The following ARFGEF1 variants were observed in gnomAD, a reference collection of about 807,000 sequenced individuals.
ARFGEF1 encodes the protein ARF guanine nucleotide exchange factor 1, also known as brefeldin A-inhibited guanine nucleotide-exchange protein 1.
A neutral mutation model predicts 231.0 loss-of-function variants in ARFGEF1; 42 were observed. That is an observed-to-expected ratio of 0.18 (90% CI 0.14 to 0.24). ARFGEF1 has a LOEUF of 0.24. Among genes scored for constraint, ARFGEF1 ranks in the 10% least tolerant of loss-of-function variants. The pLI is 1.00. For missense variants in ARFGEF1, 1,345 were observed against 2,192.0 expected (o/e 0.61, Z 7.72); for synonymous variants, 710 against 732.3 (o/e 0.97, Z 0.49).
chr8:67,253,003 C>T (rs16933211), intron 18 of ARFGEF1, among the ~76,000 whole-genome samples: 2,477 of 152,294 alleles, frequency 0.016, 70 homozygotes, highest in African/African-American at 0.057. Context: ...CTCCAAATCC[C>T]TGCTGAGGTT....
intron 10 of ARFGEF1, among the ~76,000 whole-genome samples, chr8:67,269,100 C>T (rs987786964): frequency 1.3e-5 from 2 of 152,006 alleles, no homozygotes; most frequent in South Asian, 2.1e-4. Context: ...AATAATTTAT[C>T]GAGGACCTAT....
intron 22 of ARFGEF1, among the ~76,000 whole-genome samples, chr8:67,236,453 A>T (rs1490684284): frequency 3.7e-5 from 5 of 133,548 alleles, no homozygotes; most frequent in African/African-American, 1.1e-4. Context: ...TGACTGTACC[A>T]CATCTTCTTC....
At chr8:67,267,518 A>G (rs1346462672) in intron 10 of ARFGEF1, 76 bp from the exon 11 acceptor site, 4 of 946,106 alleles carry the variant, frequency 4.2e-6, no homozygotes, top group Non-Finnish European at 6.5e-6. Context: ...AACATCCCAG[A>G]GCTATAGAGC....
At chr8:67,210,636 G>C (rs1838700447) in intron 34 of ARFGEF1, among the ~76,000 whole-genome samples, 1 of 152,184 alleles carries the variant, frequency 6.6e-6, no homozygotes, top group Admixed American at 6.5e-5. Flanking sequence ...AGGGGGTGGA[G>C]AAAGAAGACT....
chr8:67,230,003 C>CA (rs1391538915), intron 23 of ARFGEF1, among the ~76,000 whole-genome samples: 2 of 151,976 alleles, frequency 1.3e-5, no homozygotes, highest in Admixed American at 1.3e-4. Flanking sequence ...CTATCATCAG[C>CA]AATAAGACAG....
At chr8:67,285,380 G>C (rs1213306170) in intron 7 of ARFGEF1, among the ~76,000 whole-genome samples, 1 of 152,090 alleles carries the variant, frequency 6.6e-6, no homozygotes, top group African/African-American at 2.4e-5. Flanking sequence ...AGCCGGGCGT[G>C]GTGGTGTGTA....
At chr8:67,225,209 T>G (rs1001200924) in intron 28 of ARFGEF1, among the ~76,000 whole-genome samples, 176 bp from the exon 29 acceptor site, 7 of 152,202 alleles carry the variant, frequency 4.6e-5, no homozygotes, top group Non-Finnish European at 8.8e-5. Flanking sequence ...TATGTGCCAC[T>G]GAAATAGGCA....
At chr8:67,192,637 T>C (rs773226461) in intron 5 of ARFGEF1, among the ~76,000 whole-genome samples, 4 of 152,204 alleles carry the variant, frequency 2.6e-5, no homozygotes, top group African/African-American at 7.2e-5. Context: ...ACTTGTTTTC[T>C]TTCAGTTTGT....
At chr8:67,313,247 T>C (rs894337250) in intron 1 of ARFGEF1, among the ~76,000 whole-genome samples, 3 of 152,204 alleles carry the variant, frequency 2.0e-5, no homozygotes, top group African/African-American at 4.8e-5. Context: ...CTTCCCTGAT[T>C]AGCTTAAGAA....
intron 1 of ARFGEF1, among the ~76,000 whole-genome samples, chr8:67,316,114 C>T (rs1044447943): frequency 3.3e-5 from 5 of 151,970 alleles, no homozygotes; most frequent in Admixed American, 6.6e-5. Flanking sequence ...CTACAAACAC[C>T]GCAGACATTA....
chr8:67,237,995 G>C (rs1458929067), intron 22 of ARFGEF1, among the ~76,000 whole-genome samples: 1 of 152,154 alleles, frequency 6.6e-6, no homozygotes, highest in African/African-American at 2.4e-5. Context: ...CCTGCTCATT[G>C]CTTTAACAAT....
rs191847025 is a variant in ARFGEF1 at position 67,342,276 on chromosome 8, T to A, written c.124+888A>T. Among the ~76,000 whole-genome samples the A allele has an allele frequency of 3.0e-3, 451 of 152,306 alleles. 11 individuals carry two copies. The highest frequency in any genetic ancestry group is 0.028 in the Admixed American group (423 of 15,304). Reference sequence around the variant, plus strand: ...CTAACAATGTTCCCCCTTTAACAACTCCTCATCTGCCTAACCTCATAGGTA... The same window carrying A: ...CTAACAATGTTCCCCCTTTAACAACACCTCATCTGCCTAACCTCATAGGTA... On this transcript the variant is annotated intron_variant, in intron 1 of 38. Transcript: ENST00000262215.
At chr8:67,343,100 CACAGGCGCCCCCCTCCCCG>C in intron 1 of ARFGEF1, 45 bp downstream of exon 1, 10 of 564,004 alleles carry the variant, frequency 1.8e-5, no homozygotes, top group Admixed American at 3.6e-5. Flanking sequence ...CCCACCCCCC[CACAGGCGCCCCCCTCCCCG>C]CCCCACAACA....
At chr8:67,337,099 A>T (rs1490496806) in intron 1 of ARFGEF1, among the ~76,000 whole-genome samples, 2 of 135,270 alleles carry the variant, frequency 1.5e-5, no homozygotes, top group African/African-American at 2.8e-5. Flanking sequence ...ACTGCACTCC[A>T]GCCTGTGTGA....
chr8:67,336,859 G>A (rs773375915), intron 1 of ARFGEF1, among the ~76,000 whole-genome samples: 2 of 152,114 alleles, frequency 1.3e-5, no homozygotes, highest in African/African-American at 4.8e-5. Context: ...GGCCGGGCGC[G>A]GTGGCTCACG....
At chr8:67,211,408 TA>T in intron 34 of ARFGEF1, 74 bp downstream of exon 34, 1 of 1,032,722 alleles carries the variant, frequency 9.7e-7, no homozygotes, top group East Asian at 3.0e-5. Flanking sequence ...TTGTTAATAA[TA>T]AAAGTAAAAC....
chr8:67,334,805 C>A (rs1394845852), intron 1 of ARFGEF1, among the ~76,000 whole-genome samples: 1 of 152,096 alleles, frequency 6.6e-6, no homozygotes, highest in Non-Finnish European at 1.5e-5. Context: ...CACTAACGAC[C>A]ACCTGTGTAT....
intron 1 of ARFGEF1, among the ~76,000 whole-genome samples, chr8:67,331,663 A>G (rs1808105288): frequency 1.3e-5 from 2 of 152,232 alleles, no homozygotes; most frequent in Admixed American, 6.5e-5. Flanking sequence ...TCAAATTCAT[A>G]GAAAATGAAA....
In ARFGEF1 at chr8:67,211,538, T is replaced by C; in HGVS notation, c.4764A>G (p.Pro1588=). 1 of 1,595,582 alleles carries C rather than the reference T, an allele frequency of 6.3e-7. No individual in the cohort carries two copies. Among genetic ancestry groups the C allele is most frequent in the Middle Eastern group, 1.7e-4 (1 of 5,876 alleles). ...CATTAACAGCAGACGCAGAAACCAG[T>C]GGTGCTTGTGGTCTGTTATCCACAG... ...PRSVDNRPQA[P]LVSASAVNEE... is the part of the protein sequence containing the mutation. The change falls in exon 34 of 39, where the codon CCA becomes CCG. Residue 1588 remains proline (P), a synonymous_variant. Transcript: ENST00000262215.
Sources: gnomAD v4.1 joint callset for allele counts (sites outside exome capture counted in the v4.1 genomes callset) on GRCh38, gnomAD v4.1.1 for gene constraint, MANE v1.5 for transcripts, NCBI Gene and HGNC (gene_info 2026-07-23, HGNC 2026-07-21) for gene names.